FNDC3B: variants seen among roughly 807,000 people sequenced by gnomAD.
FNDC3B encodes fibronectin type III domain-containing protein 3B.
Under a neutral mutation model 151.5 loss-of-function variants are expected in FNDC3B, and 12 were observed. The observed-to-expected ratio is 0.08, with a 90% CI of 0.05 to 0.13. The LOEUF is 0.13. FNDC3B is among the 10% of genes least tolerant of loss of function. The probability of loss-of-function intolerance (pLI) is 1.00; values close to 1 mark genes in which losing one functional copy is unlikely to be tolerated. For missense variants in FNDC3B, 1,214 were observed against 1,505.3 expected (o/e 0.81, Z 3.20); for synonymous variants, 528 against 549.0 (o/e 0.96, Z 0.54).
intron 1 of FNDC3B, among the ~76,000 whole-genome samples, chr3:172,057,256 C>G (rs556856522): frequency 7.9e-5 from 12 of 152,168 alleles, no homozygotes; most frequent in Non-Finnish European, 1.8e-4. Context: ...CCTTTCATCT[C>G]TGGGTCACCA....
intron 3 of FNDC3B, among the ~76,000 whole-genome samples, chr3:172,226,259 C>A (rs112408899): frequency 6.7e-6 from 1 of 148,706 alleles, no homozygotes; most frequent in Non-Finnish European, 1.5e-5. Flanking sequence ...GAGCCGAGAT[C>A]GCGCCATTAT....
intron 6 of FNDC3B, among the ~76,000 whole-genome samples, chr3:172,259,659 G>A (rs978220458): frequency 3.3e-5 from 5 of 152,162 alleles, no homozygotes; most frequent in Non-Finnish European, 2.9e-5. Context: ...CAAATTTACA[G>A]CTCAACAAAG....
intron 1 of FNDC3B, among the ~76,000 whole-genome samples, chr3:172,056,664 G>A (rs1716934510): frequency 6.6e-6 from 1 of 152,254 alleles, no homozygotes; most frequent in South Asian, 2.1e-4. Context: ...TTTTGAACTA[G>A]TGATTAGGAA....
chr3:172,206,768 A>G (rs1725457188), intron 3 of FNDC3B, among the ~76,000 whole-genome samples: 1 of 151,822 alleles, frequency 6.6e-6, no homozygotes, highest in Admixed American at 6.6e-5. Flanking sequence ...TGTTTTATGC[A>G]GTTTGTATAA....
intron 9 of FNDC3B, among the ~76,000 whole-genome samples, chr3:172,300,113 C>T (rs1341474003): frequency 6.6e-6 from 1 of 152,156 alleles, no homozygotes; most frequent in Non-Finnish European, 1.5e-5. Flanking sequence ...AATTAGCTTC[C>T]GCCCAAACGT....
chr3:172,370,591 C>T (rs913061289), intron 23 of FNDC3B, among the ~76,000 whole-genome samples: 3 of 152,078 alleles, frequency 2.0e-5, no homozygotes, highest in Admixed American at 6.6e-5. Context: ...GCAGTTGAGC[C>T]GTAGAGAGTT....
rs75509238 is a variant in FNDC3B, at chr3:172,272,851, T to C, written c.791-13075T>C. ...GTAAAATGAAATTTGGAAGATGTCT[T>C]GATTCTCATGGACTTGTGCAAGCTG... On this transcript the variant is annotated intron_variant, in intron 6 of 25. Transcript: ENST00000415807. Among the ~76,000 whole-genome samples, 9 of 152,318 alleles carry C rather than the reference T, an allele frequency of 5.9e-5. No individual in the cohort carries two copies. The East Asian group carries it at 1.7e-3, about 29-fold the overall frequency.
chr3:172,257,103 G>T (rs1309511649), intron 6 of FNDC3B, among the ~76,000 whole-genome samples: 3 of 152,082 alleles, frequency 2.0e-5, no homozygotes, highest in East Asian at 3.9e-4. Flanking sequence ...TGGAGATGGG[G>T]TTTCGCCATG....
intron 4 of FNDC3B, among the ~76,000 whole-genome samples, chr3:172,235,089 T>C (rs978438146): frequency 3.9e-5 from 6 of 152,130 alleles, no homozygotes; most frequent in Non-Finnish European, 7.4e-5. Flanking sequence ...ACCAGTTTTT[T>C]CAAAACTGGT....
chr3:172,211,026 C>T (rs1276170970), intron 3 of FNDC3B, among the ~76,000 whole-genome samples: 2 of 152,110 alleles, frequency 1.3e-5, no homozygotes, highest in Non-Finnish European at 2.9e-5. Flanking sequence ...TTCCAGAAAC[C>T]TTTAAGTTAA....
chr3:172,322,338 G>A (rs1421125318), intron 11 of FNDC3B, among the ~76,000 whole-genome samples: 4 of 152,184 alleles, frequency 2.6e-5, no homozygotes, highest in East Asian at 3.9e-4. Context: ...AGTGAGAATC[G>A]AAAATCAGGT....
chr3:172,345,630 A>C (rs900068140), intron 19 of FNDC3B, among the ~76,000 whole-genome samples: 1 of 152,016 alleles, frequency 6.6e-6, no homozygotes, highest in Non-Finnish European at 1.5e-5. Context: ...AAGGACAGTC[A>C]TATATTTTGT....
intron 3 of FNDC3B, among the ~76,000 whole-genome samples, chr3:172,180,296 G>A (rs1723826086): frequency 6.6e-6 from 1 of 152,222 alleles, no homozygotes; most frequent in African/African-American, 2.4e-5. Context: ...ACCTGTTGAG[G>A]GGGAGTCTCT....
chr3:172,223,965 C>T (rs948042553), intron 3 of FNDC3B, among the ~76,000 whole-genome samples: 1 of 152,222 alleles, frequency 6.6e-6, no homozygotes, highest in Non-Finnish European at 1.5e-5. Flanking sequence ...TTGTTATTCT[C>T]ACTTATGACT....
chr3:172,206,096 G>A (rs145417393), intron 3 of FNDC3B, among the ~76,000 whole-genome samples: 11 of 152,256 alleles, frequency 7.2e-5, no homozygotes, highest in Admixed American at 2.6e-4. Context: ...TTTTACAACC[G>A]TAGGGTAATA....
chr3:172,373,950 T>A (rs1354295431), intron 23 of FNDC3B, among the ~76,000 whole-genome samples: 4 of 152,252 alleles, frequency 2.6e-5, no homozygotes, highest in African/African-American at 9.6e-5. Flanking sequence ...GAACCAGACA[T>A]TACTGTCAGC....
chr3:172,384,877 A>T (rs1735628321), intron 25 of FNDC3B, among the ~76,000 whole-genome samples: 1 of 152,236 alleles, frequency 6.6e-6, no homozygotes, highest in Non-Finnish European at 1.5e-5. Flanking sequence ...TATTTTTCTT[A>T]TTATAAACAG....
chr3:172,070,662 G>T (rs575005559), intron 1 of FNDC3B, among the ~76,000 whole-genome samples: 2 of 152,262 alleles, frequency 1.3e-5, no homozygotes, highest in East Asian at 3.9e-4. Context: ...TTTCTTAGAT[G>T]AGCTTTTTAA....
At chr3:172,239,853 GTTCTTTTTTTTTT>G (rs1200814415) in intron 4 of FNDC3B, among the ~76,000 whole-genome samples, 3 of 65,876 alleles carry the variant, frequency 4.6e-5, no homozygotes, top group African/African-American at 1.7e-4. Flanking sequence ...ATCCATTTTA[GTTCTTTTTTTTTT>G]TTTTTTTTTT....
Sources: allele counts gnomAD v4.1 joint callset (sites outside exome capture counted in the v4.1 genomes callset), GRCh38; gene constraint gnomAD v4.1.1; transcripts MANE v1.5; gene names NCBI Gene and HGNC (gene_info 2026-07-23, HGNC 2026-07-21).